Variants in TTC14 observed in about 807,000 individuals in gnomAD.
TTC14 encodes the protein tetratricopeptide repeat domain 14.
In TTC14, 63 loss-of-function variants were observed where a neutral mutation model predicts 79.9. That is an observed-to-expected ratio of 0.79 (90% CI 0.64 to 0.97). TTC14 has a LOEUF of 0.97. Ranked by LOEUF, TTC14 falls within the 50% of genes least tolerant of loss-of-function variation. The pLI, the probability that TTC14 is intolerant of heterozygous loss-of-function variation, is 0.00. For synonymous variants in TTC14, 335 were observed against 309.6 expected (o/e 1.08, Z -0.86); for missense variants, 895 against 894.0 (o/e 1.00, Z -0.01).
rs770023602 is a variant in TTC14 at position 180,604,829 on chromosome 3, T to G, written c.702-23T>G. 19 of 1,584,664 alleles carry G rather than the reference T, an allele frequency of 1.2e-5. No homozygotes were observed. The South Asian group carries it at 1.9e-4, about 16-fold the overall frequency. On this transcript the variant is annotated intron_variant, in intron 5 of 11. Transcript: ENST00000296015. ...AATGTCAAATTAGTCATTTTACAATTTTTGTGTTTGTATTTTTTTAAGGAG... is the reference window on the plus strand; with the variant it reads ...AATGTCAAATTAGTCATTTTACAATGTTTGTGTTTGTATTTTTTTAAGGAG...
rs893547668 is a variant in TTC14 at position 180,610,934 on chromosome 3, ATT to A, written c.*395_*396del. On this transcript the variant is annotated 3_prime_UTR_variant, in exon 12 of 12. Transcript: ENST00000296015. The stretch of plus-strand genomic sequence containing the variant: ...GATCATTTTTATAAAAATTAATTTC[ATT>A]TTCTTTTCTGTTAAATTAAAAATCG... 19 of 978,688 alleles carry A rather than the reference ATT, an allele frequency of 1.9e-5. No homozygotes were observed. The East Asian group carries it at 3.4e-4, about 18-fold the overall frequency. The allele number at this position is 978,688 out of a possible 1,614,324, so 60.6% of individuals were successfully genotyped here.
chr3:180,604,703 TG>T (rs1716579036), intron 5 of TTC14, 96 bp downstream of exon 5: 1 of 1,458,516 alleles, frequency 6.9e-7, no homozygotes, highest in East Asian at 2.3e-5. Flanking sequence ...ACTTCAGACT[TG>T]GTAAAAGGAA....
chr3:180,611,915 G>A (rs1172501033), downstream of TTC14, among the ~76,000 whole-genome samples: 1 of 152,146 alleles, frequency 6.6e-6, no homozygotes, highest in Non-Finnish European at 1.5e-5. Flanking sequence ...TACTGGGTGT[G>A]TATTATCTGT....
At chr3:180,617,477 C>T (rs962817798) in exon 13 of TTC14, 6 of 686,382 alleles carry the variant, frequency 8.7e-6, no homozygotes, top group Non-Finnish European at 1.6e-5. Context: ...TAGATGACAG[C>T]TCCATTCATG....
chr3:180,614,022 T>C (rs1052927061), downstream of TTC14: 3 of 333,992 alleles, frequency 9.0e-6, no homozygotes, highest in Non-Finnish European at 1.8e-5. Context: ...TTCTAATACA[T>C]TTATTTAAAA....
chr3:180,608,039 T>C lies in TTC14; in HGVS notation c.1290+274T>C. The C allele has an allele frequency of 4.5e-6, 5 of 1,117,664 alleles. No individual in the cohort carries two copies. In the South Asian group the frequency reaches 1.7e-4, roughly 37 times the overall value. 69.2% of individuals were successfully genotyped at this position (1,117,664 alleles called of 1,614,324 possible). A position where few individuals can be genotyped will look rare whatever the true frequency, so the allele number is the denominator to read the frequency against. On this transcript the variant is annotated intron_variant, in intron 10 of 11. Coordinates refer to ENST00000296015, the MANE Select transcript of TTC14 (RefSeq NM_133462.4). ...TTATAGGGAGCTCACCTGGTGGTTT[T>C]TAAATTATTGTTGCTACTATAATTG...
downstream of TTC14, chr3:180,614,734 A>C: frequency 7.7e-6 from 4 of 520,622 alleles, no homozygotes; most frequent in Non-Finnish European, 1.3e-5. Flanking sequence ...ATCTGCTATT[A>C]ATTTCTTCAG....
downstream of TTC14, among the ~76,000 whole-genome samples, chr3:180,612,289 A>G (rs1278790428): frequency 6.6e-6 from 1 of 152,186 alleles, no homozygotes. Flanking sequence ...ATTCATATAA[A>G]TTTAAGGGGT....
Position 180,602,995 on chromosome 3 carries a change from A to C in TTC14, c.266A>C (p.Glu89Ala). The change falls in exon 2 of 12, where the codon GAA becomes GCA. Residue 89 changes from glutamate (E) to alanine (A), a missense_variant. By Grantham distance (107) the Glu-to-Ala change is moderately radical (BLOSUM62 -1). Transcript: ENST00000296015. The stretch of plus-strand genomic sequence containing the variant: ...AAATCAGATGCACCTGCAACTTCTG[A>C]AATTAATGAAGACAGTGAAGGTCAG... ...SWKSDAPATS[E>A]INEDSEDHYA... 6.2e-7 allele frequency: 1 copy of C among 1,613,700 alleles called. No individual in the cohort carries two copies. The highest frequency in any genetic ancestry group is 8.5e-7 in the Non-Finnish European group (1 of 1,179,914).
In TTC14 at chr3:180,610,775, T is replaced by G. The variant is rs1716959895; in HGVS notation, c.*233T>G. The G allele has an allele frequency of 9.2e-7, 1 of 1,083,816 alleles. No homozygotes were observed. The highest frequency in any genetic ancestry group is 1.7e-5 in the African/African-American group (1 of 60,512). 67.1% of individuals were successfully genotyped at this position (1,083,816 alleles called of 1,614,324 possible). A position where few individuals can be genotyped will look rare whatever the true frequency, so the allele number is the denominator to read the frequency against. On this transcript the variant is annotated 3_prime_UTR_variant, in exon 12 of 12. Coordinates refer to ENST00000296015, the MANE Select transcript of TTC14 (RefSeq NM_133462.4). Reference sequence around the variant, plus strand: ...TATGTTTATGTACAGTATATTACTCTTGACAGTTTGAATTTCTTCACCTAA... The same window carrying G: ...TATGTTTATGTACAGTATATTACTCGTGACAGTTTGAATTTCTTCACCTAA...
chr3:180,616,549 C>G, intron 12 of TTC14: 1 of 1,588,452 alleles, frequency 6.3e-7, no homozygotes, highest in Non-Finnish European at 8.6e-7. Flanking sequence ...TAATACGGAT[C>G]TCAGTATTTT....
Position 180,609,678 on chromosome 3 carries a change from T to C in TTC14, c.1449T>C (p.Ser483=). ...RKSTSSSSVS[S]ADESVSSSSS... Reference sequence around the variant, plus strand: ...CAACTTCTTCTTCAAGTGTTTCTTCTGCTGATGAATCAGTGTCTTCATCAT... The same window carrying C: ...CAACTTCTTCTTCAAGTGTTTCTTCCGCTGATGAATCAGTGTCTTCATCAT... The change falls in exon 12 of 12, where the codon TCT becomes TCC. Residue 483 remains serine (S), a synonymous_variant. Transcript: ENST00000296015. 1 of 1,591,620 alleles carries C rather than the reference T, an allele frequency of 6.3e-7. No individual in the cohort carries two copies. Among genetic ancestry groups the C allele is most frequent in the Non-Finnish European group, 8.5e-7 (1 of 1,174,010 alleles).
rs781654326 is a variant in TTC14 at position 180,602,895 on chromosome 3, G to A, written c.166G>A (p.Glu56Lys). The change falls in exon 2 of 12, where the codon GAG (glutamate) becomes AAG (lysine). Residue 56 changes from glutamate to lysine, a missense_variant. Transcript: ENST00000296015. ...PPQHPLQGRK[E>K]KRVDNIEIQK... ...ATATATTTTTTTCTTTTTAAGAAAA[G>A]AGAAGAGAGTTGACAACATCGAGAT... The A allele has an allele frequency of 6.2e-7, 1 of 1,604,466 alleles. No homozygotes were observed. The highest frequency in any genetic ancestry group is 1.7e-5 in the Admixed American group (1 of 57,614).
chr3:180,612,330 G>A (rs140091833), downstream of TTC14, among the ~76,000 whole-genome samples: 6 of 152,066 alleles, frequency 3.9e-5, no homozygotes, highest in East Asian at 3.9e-4. Context: ...TGGATCTATC[G>A]TGTAGTGGTG....
intron 12 of TTC14, chr3:180,616,565 A>G (rs959862071): frequency 5.0e-6 from 8 of 1,599,282 alleles, no homozygotes; most frequent in Admixed American, 1.7e-5. Flanking sequence ...ATTTTCTTCT[A>G]TGATATCAAC....
chr3:180,602,868 A>C, intron 1 of TTC14, 23 bp from the exon 2 acceptor site: 1 of 1,592,330 alleles, frequency 6.3e-7, no homozygotes, highest in Non-Finnish European at 8.5e-7. Flanking sequence ...CCCAATTTTC[A>C]TATATATTTT....
At chr3:180,614,873 ATATTTT>A, downstream of TTC14, 1 of 1,500,778 alleles carries the variant, frequency 6.7e-7, no homozygotes, top group Non-Finnish European at 9.0e-7. Context: ...ATTTTAAAGT[ATATTTT>A]TGTTTTTGTG....
chr3:180,610,018 C>G lies in TTC14; in HGVS notation c.1789C>G (p.Pro597Ala), dbSNP rs775818263. ...TGATTTTGGAGGTAGGTCTGAAGAT[C>G]CAAGAGATTTTTATAACAGCTATAA... ...PDDFGGRSED[P>A]RDFYNSYKTQ... is the part of the protein sequence containing the mutation. Residue 597 changes from proline (P) to alanine (A), a missense_variant, in exon 12 of 12, where the codon CCA becomes GCA. By Grantham distance (27) the Pro-to-Ala change is conservative (BLOSUM62 -1). Coordinates refer to ENST00000296015, the MANE Select transcript of TTC14 (RefSeq NM_133462.4). 2 of 1,613,964 alleles carry G rather than the reference C, an allele frequency of 1.2e-6. No homozygotes were observed. The highest frequency in any genetic ancestry group is 2.2e-5 in the East Asian group (1 of 44,860).
chr3:180,606,123 A>G (rs1716668660), intron 7 of TTC14, 130 bp from the exon 8 acceptor site: 6 of 1,274,670 alleles, frequency 4.7e-6, no homozygotes, highest in South Asian at 2.9e-5. Flanking sequence ...CCTTAGGTAT[A>G]TTGTGAGTAC....
Sources: allele counts gnomAD v4.1 joint callset (sites outside exome capture counted in the v4.1 genomes callset), GRCh38; gene constraint gnomAD v4.1.1; transcripts MANE v1.5; gene names NCBI Gene and HGNC (gene_info 2026-07-23, HGNC 2026-07-21).